The following CLTCL1 variants were observed in gnomAD, a reference collection of about 807,000 sequenced individuals.
The protein encoded by CLTCL1 is clathrin heavy chain 2.
In CLTCL1, 159 loss-of-function variants were observed where a neutral mutation model predicts 190.0. The ratio of observed to expected loss-of-function variants is 0.84; its 90% CI spans 0.74 to 0.95. The LOEUF is 0.95. Among genes scored for constraint, CLTCL1 ranks in the 40% least tolerant of loss-of-function variants. CLTCL1 has a pLI of 0.00. For missense variants in CLTCL1, 1,878 were observed against 2,033.4 expected (o/e 0.92, Z 1.47); for synonymous variants, 752 against 769.6 (o/e 0.98, Z 0.38).
intron 1 of CLTCL1, among the ~76,000 whole-genome samples, chr22:19,284,113 A>G (rs534414551): frequency 2.6e-4 from 39 of 152,314 alleles, no homozygotes; most frequent in Admixed American, 7.8e-4. Context: ...GGAGGACTAC[A>G]ACTGTGTTTG....
At chr22:19,223,462 A>G (rs1032801534) in intron 14 of CLTCL1, among the ~76,000 whole-genome samples, 5 of 151,910 alleles carry the variant, frequency 3.3e-5, no homozygotes, top group Admixed American at 6.6e-5. Flanking sequence ...AACACGGCAA[A>G]GCAGCCATGA....
intron 2 of CLTCL1, among the ~76,000 whole-genome samples, chr22:19,271,277 C>T (rs2087308593): frequency 6.6e-6 from 1 of 152,064 alleles, no homozygotes; most frequent in South Asian, 2.1e-4. Context: ...GTTGTAGTTC[C>T]CAGTGTTGGA....
rs2084775403 is a variant in CLTCL1, at chr22:19,198,347, C to A, written c.3873+1387G>T. Among the ~76,000 whole-genome samples the A allele has an allele frequency of 1.3e-5, 2 of 152,222 alleles. No individual in the cohort carries two copies. The highest frequency in any genetic ancestry group is 2.4e-5 in the African/African-American group (1 of 41,450). On this transcript the variant is annotated intron_variant, in intron 24 of 32. Transcript: ENST00000427926. This position sits in a 1 kb window ranked among gnomAD's most constrained non-coding sequence, Gnocchi z 4.1. ...ACCACTGCAACAGCCTCCAGCTGCT[C>A]TTCTGGCTCCTGTCCCTACTCCTCA...
rs782399572 is a variant in CLTCL1 at position 19,183,484 on chromosome 22, C to T, written c.4733G>A (p.Arg1578His). 45 of 1,613,590 alleles carry T rather than the reference C, an allele frequency of 2.8e-5. No homozygotes were observed. The highest frequency in any genetic ancestry group is 5.5e-5 in the South Asian group (5 of 91,072). The stretch of plus-strand genomic sequence containing the variant: ...GGCCAGCTCAAGCACCATGTCTGGG[C>T]GAAGCAGGTCATAGCAGGTGAAGAG... Reference protein sequence around the residue: ...ACLFTCYDLLRPDMVLELAWR... With the variant: ...ACLFTCYDLLHPDMVLELAWR... The change falls in exon 30 of 33, where the codon CGC becomes CAC. Residue 1578 changes from arginine to histidine, a missense_variant. By Grantham distance (29) the Arg-to-His change is conservative. Transcript: ENST00000427926.
intron 1 of CLTCL1, among the ~76,000 whole-genome samples, chr22:19,278,793 G>A (rs2087603872): frequency 6.6e-6 from 1 of 152,216 alleles, no homozygotes; most frequent in Admixed American, 6.5e-5. Flanking sequence ...CCAGGCTGGA[G>A]TGCAGTGGCG....
intron 2 of CLTCL1, chr22:19,257,663 T>A: frequency 2.0e-6 from 1 of 505,626 alleles, no homozygotes; most frequent in Non-Finnish European, 3.4e-6. Flanking sequence ...CCCAGATCTC[T>A]GTGTCCTGCT....
Position 19,291,603 on chromosome 22 carries a change from G to C in CLTCL1, c.39C>G (p.Phe13Leu). 7.2e-7 allele frequency: 1 copy of C among 1,396,890 alleles called. No homozygotes were observed. The highest frequency in any genetic ancestry group is 9.4e-7 in the Non-Finnish European group (1 of 1,061,648). 86.5% of individuals were successfully genotyped at this position (1,396,890 alleles called of 1,614,324 possible). A position where few individuals can be genotyped will look rare whatever the true frequency, so the allele number is the denominator to read the frequency against. ...QILPVRFQEH[F>L]QLQNLGINPA... ...CCCCCAGCCCGCCGGGCCTCACCTG[G>C]AAGTGCTCCTGAAAGCGAACAGGGA... Residue 13 changes from phenylalanine (F) to leucine (L), a missense_variant, in exon 1 of 33, where the codon TTC (phenylalanine) becomes TTG (leucine). Coordinates refer to ENST00000427926, the MANE Select transcript of CLTCL1 (RefSeq NM_007098.4).
intron 3 of CLTCL1, among the ~76,000 whole-genome samples, chr22:19,248,795 C>T (rs988110403): frequency 1.3e-5 from 2 of 152,252 alleles, no homozygotes; most frequent in African/African-American, 4.8e-5. Context: ...GGGTGATCTG[C>T]CTGCCTCAGC....
chr22:19,188,770 C>T (rs1374830693), intron 27 of CLTCL1, among the ~76,000 whole-genome samples: 1 of 151,970 alleles, frequency 6.6e-6, no homozygotes, highest in Non-Finnish European at 1.5e-5. Context: ...CTTGCCACCA[C>T]GCCTGGCTAA....
intron 1 of CLTCL1, 41 bp from the exon 2 acceptor site, chr22:19,275,871 G>A: frequency 1.3e-6 from 2 of 1,523,842 alleles, no homozygotes; most frequent in Middle Eastern, 2.1e-4. Context: ...TTTTTCCTCT[G>A]AAATGGACTG....
intron 3 of CLTCL1, among the ~76,000 whole-genome samples, chr22:19,244,810 G>T (rs1296436684): frequency 6.6e-6 from 1 of 152,200 alleles, no homozygotes; most frequent in African/African-American, 2.4e-5. Context: ...TTTGGTAAAG[G>T]CATGTTAAGG....
intron 18 of CLTCL1, among the ~76,000 whole-genome samples, chr22:19,219,553 G>A (rs1484571523): frequency 2.0e-5 from 3 of 151,538 alleles, no homozygotes; most frequent in Admixed American, 1.3e-4. Context: ...GCACGATGTC[G>A]GCTCACTGCA....
chr22:19,187,344 A>G (rs1601437662), intron 29 of CLTCL1, among the ~76,000 whole-genome samples: 1 of 129,894 alleles, frequency 7.7e-6, no homozygotes, highest in Non-Finnish European at 1.6e-5. Flanking sequence ...TTCAATCCAA[A>G]CAGTTTTTAA....
rs782060051 is a variant in CLTCL1, at chr22:19,187,540, C to T, written c.4605+18G>A. On this transcript the variant is annotated intron_variant, in intron 29 of 32. Transcript: ENST00000427926. ...ACCAAGGCAGGAAGGTGGGAGGAAA[C>T]GGGCCCAGGCCACCAACCTTGTAGA... is the stretch of plus-strand genomic sequence containing the variant. The T allele has an allele frequency of 1.4e-5, 22 of 1,596,442 alleles. No homozygotes were observed. The highest frequency in any genetic ancestry group is 4.4e-5 in the South Asian group (4 of 90,712).
rs555063418 is a variant in CLTCL1, at chr22:19,291,172, C to T, written c.42+428G>A. Among the ~76,000 whole-genome samples, 25 of 152,352 alleles carry T rather than the reference C, an allele frequency of 1.6e-4. No individual in the cohort carries two copies. In the South Asian group the frequency reaches 5.0e-3, roughly 30 times the overall value. On this transcript the variant is annotated intron_variant, in intron 1 of 32. Coordinates refer to ENST00000427926, the MANE Select transcript of CLTCL1 (RefSeq NM_007098.4). ...CACGCATGTTCACGGTCCTCCCAGGCGAAGCCGCCCTGGGGACGAAAACCG... is the reference window on the plus strand; with the variant it reads ...CACGCATGTTCACGGTCCTCCCAGGTGAAGCCGCCCTGGGGACGAAAACCG...
intron 30 of CLTCL1, chr22:19,181,973 C>A (rs896298476): frequency 4.6e-5 from 7 of 152,266 alleles, no homozygotes; most frequent in Non-Finnish European, 1.0e-4. Flanking sequence ...ACTCCATCAT[C>A]CGCAACAGAA....
chr22:19,286,606 T>A (rs2087916015), intron 1 of CLTCL1, among the ~76,000 whole-genome samples: 1 of 152,160 alleles, frequency 6.6e-6, no homozygotes, highest in Non-Finnish European at 1.5e-5. Flanking sequence ...CAGAAGCCTC[T>A]CCAGACACAC....
chr22:19,222,591 A>G (rs1321015312), intron 15 of CLTCL1, 93 bp downstream of exon 15: 2 of 1,429,908 alleles, frequency 1.4e-6, no homozygotes, highest in Non-Finnish European at 9.6e-7. Context: ...TAGTCTCTGA[A>G]ATGTCAGGTG....
At chr22:19,270,523 C>T (rs962976731) in intron 2 of CLTCL1, among the ~76,000 whole-genome samples, 5 of 151,132 alleles carry the variant, frequency 3.3e-5, no homozygotes, top group African/African-American at 7.3e-5. Flanking sequence ...GTCAAGAGAT[C>T]GAGACCATCC....
Sources: gnomAD v4.1 joint callset for allele counts (sites outside exome capture counted in the v4.1 genomes callset) on GRCh38, gnomAD v4.1.1 for gene constraint, Gnocchi (gnomAD v3.1) non-coding constraint, MANE v1.5 for transcripts, NCBI Gene and HGNC (gene_info 2026-07-23, HGNC 2026-07-21) for gene names.